The following MVK variants were observed in gnomAD, a reference collection of about 807,000 sequenced individuals.
The protein encoded by MVK is mevalonate kinase.
Under a neutral mutation model 43.2 loss-of-function variants are expected in MVK, and 34 were observed. That is an observed-to-expected ratio of 0.79 (90% CI 0.60 to 1.05). The LOEUF (loss-of-function observed/expected upper bound fraction) is 1.05. Ranked by LOEUF, MVK falls within the 50% of genes least tolerant of loss-of-function variation. The probability of loss-of-function intolerance (pLI) is 0.00; values close to 1 mark genes in which losing one functional copy is unlikely to be tolerated. For synonymous variants in MVK, 190 were observed against 219.8 expected (o/e 0.86, Z 1.20); for missense variants, 395 against 504.0 (o/e 0.78, Z 2.07).
chr12:109,575,802 A>T (rs1884923501), intron 2 of MVK, among the ~76,000 whole-genome samples, 196 bp from the exon 3 acceptor site: 1 of 152,164 alleles, frequency 6.6e-6, no homozygotes, highest in Non-Finnish European at 1.5e-5. Flanking sequence ...GGCAAAGTGG[A>T]TTTTAACTTT....
Position 109,595,277 on chromosome 12 carries a change from A to C in MVK, c.1039+96A>C, listed in dbSNP as rs577806070. ...TGAAAGGAAAAAGAGACCTGGAAAC[A>C]GGTCTCAGCTCCGCTGTGTGGCCTT... On this transcript the variant is annotated intron_variant, in intron 10 of 10. Coordinates refer to ENST00000228510, the MANE Select transcript of MVK (RefSeq NM_000431.4). The surrounding 1 kb of genome is among the most constrained non-coding windows in gnomAD (Gnocchi z 5.9). The C allele has an allele frequency of 2.6e-5, 39 of 1,510,628 alleles. No homozygotes were observed. In the East Asian group the frequency reaches 8.7e-4, roughly 34 times the overall value. 93.6% of individuals were successfully genotyped at this position (1,510,628 alleles called of 1,614,324 possible).
intron 7 of MVK, among the ~76,000 whole-genome samples, chr12:109,587,644 C>T (rs955469449): frequency 3.3e-5 from 5 of 152,118 alleles, no homozygotes; most frequent in African/African-American, 4.8e-5. Flanking sequence ...TTACTCAGGG[C>T]GGTCTTCATG....
chr12:109,581,980 TATG>T (rs1352592513), intron 5 of MVK, among the ~76,000 whole-genome samples: 4 of 152,194 alleles, frequency 2.6e-5, no homozygotes, highest in African/African-American at 7.2e-5. Context: ...ACCACATGGT[TATG>T]AAAGAAACTA....
chr12:109,586,913 C>T lies in MVK; in HGVS notation c.677+114C>T. On this transcript the variant is annotated intron_variant, in intron 7 of 10. Coordinates refer to ENST00000228510, the MANE Select transcript of MVK (RefSeq NM_000431.4). Reference sequence around the variant, plus strand: ...GAGGCAGGTGTCCCTGGCTCTTCATCCCCCAATGTGGCCCTCACAGTGCAC... The same window carrying T: ...GAGGCAGGTGTCCCTGGCTCTTCATTCCCCAATGTGGCCCTCACAGTGCAC... The T allele has an allele frequency of 3.1e-6, 4 of 1,296,082 alleles. No individual in the cohort carries two copies. In the South Asian group the frequency reaches 4.9e-5, roughly 16 times the overall value. The allele number at this position is 1,296,082 out of a possible 1,614,324, so 80.3% of individuals were successfully genotyped here. A position where few individuals can be genotyped will look rare whatever the true frequency, so the allele number is the denominator to read the frequency against.
At position 109,596,563 on chromosome 12, in the gene MVK, C is replaced by A; in HGVS notation, c.1177C>A (p.Leu393Met). The change falls in exon 11 of 11, where the codon CTG becomes ATG. Residue 393 changes from leucine (L) to methionine (M), a missense_variant. Coordinates refer to ENST00000228510, the MANE Select transcript of MVK (RefSeq NM_000431.4). ...TSLDSRVQQA[L>M]DGL ...CCTGGACAGCCGAGTCCAGCAAGCC[C>A]TGGATGGCCTCTGAGAGGAGCCCAC... The A allele has an allele frequency of 6.2e-7, 1 of 1,610,274 alleles. No homozygotes were observed. Among genetic ancestry groups the A allele is most frequent in the Non-Finnish European group, 8.5e-7 (1 of 1,179,940 alleles).
At position 109,574,840 on chromosome 12, in the gene MVK, A is replaced by G. The variant is rs1474470230; in HGVS notation, c.18A>G (p.Leu6=). The G allele has an allele frequency of 8.7e-6, 14 of 1,607,452 alleles. No individual in the cohort carries two copies. Among genetic ancestry groups the G allele is most frequent in the Non-Finnish European group, 1.2e-5 (14 of 1,176,940 alleles). The change falls in exon 2 of 11, where the codon CTA becomes CTG. Residue 6 remains leucine (L), a synonymous_variant. Transcript: ENST00000228510. MLSEV[L]LVSAPGKVIL... is the part of the protein sequence containing the mutation. ...CAGGAGCCATGTTGTCAGAAGTCCT[A>G]CTGGTGTCTGCTCCGGGGAAAGTCA...
intron 9 of MVK, among the ~76,000 whole-genome samples, chr12:109,592,454 C>G (rs1055995348): frequency 6.6e-6 from 1 of 152,244 alleles, no homozygotes; most frequent in Non-Finnish European, 1.5e-5. Context: ...CGTGCGGTCT[C>G]CATGTCACCA....
intron 1 of MVK, among the ~76,000 whole-genome samples, chr12:109,574,525 G>C (rs1034892685): frequency 6.6e-6 from 1 of 152,176 alleles, no homozygotes; most frequent in African/African-American, 2.4e-5. Flanking sequence ...GGTAGGTACG[G>C]TTATTTTCTC....
intron 10 of MVK, among the ~76,000 whole-genome samples, 184 bp from the exon 11 acceptor site, chr12:109,596,242 G>A (rs1247053143): frequency 6.6e-6 from 1 of 152,270 alleles, no homozygotes; most frequent in Non-Finnish European, 1.5e-5. Flanking sequence ...CCCTGGGGGT[G>A]CAAGGCTGGG....
chr12:109,587,387 C>T (rs1221310945), intron 7 of MVK, among the ~76,000 whole-genome samples: 2 of 152,212 alleles, frequency 1.3e-5, no homozygotes, highest in African/African-American at 4.8e-5. Flanking sequence ...TCATTGGAAT[C>T]ACAAACGTGC....
intron 3 of MVK, among the ~76,000 whole-genome samples, chr12:109,577,830 C>G (rs1885027019): frequency 6.6e-6 from 1 of 152,166 alleles, no homozygotes; most frequent in African/African-American, 2.4e-5. Flanking sequence ...AAAAGCCACT[C>G]CTTTGGAGCG....
In MVK at chr12:109,590,664, C is replaced by G. The variant is rs547955500; in HGVS notation, c.678-107C>G. The G allele has an allele frequency of 2.7e-5, 26 of 974,008 alleles. No individual in the cohort carries two copies. In the South Asian group the frequency reaches 3.3e-4, roughly 12 times the overall value. 60.3% of individuals were successfully genotyped at this position (974,008 alleles called of 1,614,324 possible). A position where few individuals can be genotyped will look rare whatever the true frequency, so the allele number is the denominator to read the frequency against. ...AATCCAGTGTCACCTCTTGTGCCTC[C>G]CTTCTTCCTCCGTATCAGGGTGGGC... On this transcript the variant is annotated intron_variant, in intron 7 of 10. Coordinates refer to ENST00000228510, the MANE Select transcript of MVK (RefSeq NM_000431.4).
intron 7 of MVK, 93 bp from the exon 8 acceptor site, chr12:109,590,678 A>G (rs1487624449): frequency 8.9e-7 from 1 of 1,125,258 alleles, no homozygotes; most frequent in Non-Finnish European, 1.4e-6. Flanking sequence ...CTTCCTCCGT[A>G]TCAGGGTGGG....
chr12:109,584,165 T>C (rs1374664935), intron 5 of MVK, among the ~76,000 whole-genome samples: 1 of 152,210 alleles, frequency 6.6e-6, no homozygotes, highest in Non-Finnish European at 1.5e-5. Flanking sequence ...ATGAACCATT[T>C]CTCAATGGTC....
At chr12:109,588,754 A>T (rs149599596) in intron 7 of MVK, 4 of 152,358 alleles carry the variant, frequency 2.6e-5, no homozygotes, top group African/African-American at 9.6e-5. Flanking sequence ...CGTGCTGAGT[A>T]CTGGGGCCTC....
At chr12:109,589,161 G>A (rs1344973621) in intron 7 of MVK, 1 of 152,384 alleles carries the variant, frequency 6.6e-6, no homozygotes, top group African/African-American at 2.4e-5. Flanking sequence ...GATCACAGGA[G>A]CGCTTACCAG....
At chr12:109,581,274 T>C (rs1220586177) in intron 4 of MVK, 121 bp from the exon 5 acceptor site, 2 of 1,285,594 alleles carry the variant, frequency 1.6e-6, no homozygotes, top group Non-Finnish European at 2.2e-6. Flanking sequence ...TCAGGAATTC[T>C]CCCCCAGTTG....
chr12:109,582,467 T>C (rs987723363), intron 5 of MVK, among the ~76,000 whole-genome samples: 11 of 152,154 alleles, frequency 7.2e-5, no homozygotes, highest in African/African-American at 2.7e-4. Flanking sequence ...GGACTGGCCC[T>C]GTCTTTCAAA....
At chr12:109,581,312 A>C in intron 4 of MVK, 83 bp from the exon 5 acceptor site, 1 of 1,572,692 alleles carries the variant, frequency 6.4e-7, no homozygotes, top group Non-Finnish European at 8.7e-7. Context: ...GCTTGGAGTC[A>C]GGCCTGGGCC....
Sources: allele counts gnomAD v4.1 joint callset (sites outside exome capture counted in the v4.1 genomes callset), GRCh38; gene constraint gnomAD v4.1.1; non-coding constraint Gnocchi (gnomAD v3.1); transcripts MANE v1.5; gene names NCBI Gene and HGNC (gene_info 2026-07-23, HGNC 2026-07-21).